Variants in RGS6 observed in about 807,000 individuals in gnomAD.
RGS6 encodes the protein regulator of G-protein signaling 6.
RGS6 carries 30 observed loss-of-function variants against 78.5 expected under a neutral mutation model. That is an observed-to-expected ratio of 0.38 (90% CI 0.29 to 0.52). RGS6 has a LOEUF of 0.52. RGS6 is among the 20% of genes least tolerant of loss of function. RGS6 has a pLI of 0.85. For synonymous variants in RGS6, 206 were observed against 206.0 expected, an observed-to-expected ratio of 1.00 and a Z score of 0.00; for missense variants, 495 against 609.7, an observed-to-expected ratio of 0.81 and a Z score of 1.98.
the RGS6 span, among the ~76,000 whole-genome samples, chr14:71,883,924 A>G: frequency 6.6e-6 from 1 of 151,752 alleles, no homozygotes; most frequent in Non-Finnish European, 1.5e-5. Context: ...TGAATAATCC[A>G]CCCCCTGTTT....
intron 2 of RGS6, among the ~76,000 whole-genome samples, chr14:72,024,617 ATGTT>A (rs2089461220): frequency 6.6e-6 from 1 of 152,152 alleles, no homozygotes; most frequent in Non-Finnish European, 1.5e-5. Flanking sequence ...ATGAGTACCT[ATGTT>A]GAAATAGGTT....
intron 2 of RGS6, among the ~76,000 whole-genome samples, chr14:72,182,454 AAG>A: frequency 6.6e-6 from 1 of 151,694 alleles, no homozygotes; most frequent in South Asian, 2.1e-4. Context: ...GAAAGTAAGA[AAG>A]AATAGCTTAT....
At chr14:72,540,525 A>G in intron 17 of RGS6, 7 of 1,567,596 alleles carry the variant, frequency 4.5e-6, no homozygotes, top group Non-Finnish European at 6.0e-6. Flanking sequence ...TCCCTCTGTG[A>G]ACCCTGGCAG....
chr14:71,961,573 A>G (rs1221587436), intron 1 of RGS6, among the ~76,000 whole-genome samples: 3 of 152,130 alleles, frequency 2.0e-5, no homozygotes, highest in African/African-American at 7.2e-5. Flanking sequence ...TTGGACATGG[A>G]TCTGTCTAAT....
the RGS6 span, among the ~76,000 whole-genome samples, chr14:72,571,792 C>G: frequency 7.1e-4 from 104 of 146,724 alleles, 1 homozygote; most frequent in African/African-American, 2.5e-3. Flanking sequence ...ATGAAAACAA[C>G]AAAAGAAAAA....
At chr14:72,215,293 G>A (rs2045295629) in intron 2 of RGS6, among the ~76,000 whole-genome samples, 1 of 152,336 alleles carries the variant, frequency 6.6e-6, no homozygotes, top group African/African-American at 2.4e-5. Flanking sequence ...CTTTGAGGCT[G>A]TGTCTATTTC....
chr14:72,243,843 A>C (rs1040877207), intron 2 of RGS6, among the ~76,000 whole-genome samples: 3 of 151,824 alleles, frequency 2.0e-5, no homozygotes, highest in Non-Finnish European at 2.9e-5. Flanking sequence ...TAAGTTCTAG[A>C]GCTATGAGGA....
At chr14:71,922,785 A>G in the RGS6 span, among the ~76,000 whole-genome samples, 1 of 152,188 alleles carries the variant, frequency 6.6e-6, no homozygotes, top group African/African-American at 2.4e-5. Context: ...CTGGCCAGGT[A>G]TTTTGTAGAC....
At chr14:72,530,999 A>G (rs1334342123) in intron 15 of RGS6, among the ~76,000 whole-genome samples, 1 of 152,180 alleles carries the variant, frequency 6.6e-6, no homozygotes, top group Non-Finnish European at 1.5e-5. Context: ...AAATAAACAC[A>G]TACTGTTCCT....
the RGS6 span, among the ~76,000 whole-genome samples, chr14:71,915,583 T>G: frequency 6.6e-5 from 10 of 152,182 alleles, no homozygotes; most frequent in African/African-American, 2.2e-4. Context: ...CCACTTTGTA[T>G]AGCCTATGTC....
chr14:71,974,959 G>C (rs2094026793), intron 2 of RGS6, among the ~76,000 whole-genome samples: 1 of 152,128 alleles, frequency 6.6e-6, no homozygotes, highest in Non-Finnish European at 1.5e-5. Context: ...GGGTAACATA[G>C]GGAGACAACA....
chr14:72,439,163 T>C (rs1465979276), intron 3 of RGS6, among the ~76,000 whole-genome samples: 1 of 152,250 alleles, frequency 6.6e-6, no homozygotes, highest in African/African-American at 2.4e-5. Context: ...TGTTTTTCCT[T>C]GGTTTCATGC....
intron 2 of RGS6, among the ~76,000 whole-genome samples, chr14:72,153,527 C>T (rs1298743890): frequency 3.9e-5 from 6 of 152,118 alleles, no homozygotes. Flanking sequence ...GAACCTGCCC[C>T]CAGTATTTCA....
chr14:72,236,082 A>G (rs538119242), intron 2 of RGS6, among the ~76,000 whole-genome samples: 1 of 152,266 alleles, frequency 6.6e-6, no homozygotes, highest in East Asian at 1.9e-4. Context: ...ACACACTTTC[A>G]TTTTCTTAAT....
intron 2 of RGS6, among the ~76,000 whole-genome samples, chr14:72,200,593 G>T (rs76831494): frequency 0.03 from 4,530 of 151,852 alleles, 217 homozygotes; most frequent in African/African-American, 0.1. Context: ...GACGGGGAGT[G>T]GTAGGGACAG....
chr14:72,082,546 A>C (rs1183229717), intron 2 of RGS6, among the ~76,000 whole-genome samples: 2 of 152,086 alleles, frequency 1.3e-5, no homozygotes, highest in African/African-American at 4.8e-5. Flanking sequence ...TTTAATGATA[A>C]ATGTTTAAGG....
At chr14:72,223,762 G>A (rs2047439430) in intron 2 of RGS6, among the ~76,000 whole-genome samples, 2 of 152,216 alleles carry the variant, frequency 1.3e-5, no homozygotes, top group Non-Finnish European at 2.9e-5. Context: ...TGGAAAGAAA[G>A]GTTCCATTCG....
chr14:72,460,729 G>A (rs780035603), intron 6 of RGS6, among the ~76,000 whole-genome samples: 7 of 152,146 alleles, frequency 4.6e-5, no homozygotes, highest in Non-Finnish European at 8.8e-5. Context: ...AATGAGACCT[G>A]CAGCTTCTTT....
the RGS6 span, among the ~76,000 whole-genome samples, chr14:72,599,110 T>C: frequency 7.2e-5 from 11 of 152,138 alleles, no homozygotes; most frequent in African/African-American, 2.4e-4. Context: ...TCCTCTCCCA[T>C]AAAATTCAGG....
Sources: gnomAD v4.1 joint callset for allele counts (sites outside exome capture counted in the v4.1 genomes callset) on GRCh38, gnomAD v4.1.1 for gene constraint, MANE v1.5 for transcripts, NCBI Gene and HGNC (gene_info 2026-07-23, HGNC 2026-07-21) for gene names.